LNP1: variants seen among roughly 807,000 people sequenced by gnomAD.
LNP1 encodes the protein leukemia NUP98 fusion partner 1.
LNP1 carries 12 observed loss-of-function variants against 14.5 expected under a neutral mutation model. That is an observed-to-expected ratio of 0.83 (90% CI 0.53 to 1.34). The LOEUF (loss-of-function observed/expected upper bound fraction) is 1.34, where lower values mean the gene tolerates loss of function less well. Among genes scored for constraint, LNP1 ranks in the 40% most tolerant of loss-of-function variants. The pLI is 0.00. For synonymous variants in LNP1, 75 were observed against 71.4 expected (o/e 1.05, Z -0.26); for missense variants, 198 against 210.9 (o/e 0.94, Z 0.38).
chr3:100,430,218 TAG>T lies in LNP1; in HGVS notation c.156+334_156+335del, dbSNP rs1052906091. 3.3e-5 allele frequency among the ~76,000 whole-genome samples: 5 copies of T among 152,362 alleles called. No homozygotes were observed. The South Asian group carries it at 8.3e-4, about 25-fold the overall frequency. On this transcript the variant is annotated intron_variant, in intron 2 of 3. Coordinates refer to ENST00000383693, the MANE Select transcript of LNP1 (RefSeq NM_001085451.2). ...AACTTGATGCTATACTTAGTCTGTG[TAG>T]CCTTGTGGCTCAATGTGTGATTTCC...
rs1032626837 is a variant in LNP1 at position 100,401,675 on chromosome 3, A to T, written c.-798A>T. Reference sequence around the variant, plus strand: ...GTGAGGAAAGAGCTCACCGCTGAAGAAGGCTGCTGCATCACTGAACTTCTT... The same window carrying T: ...GTGAGGAAAGAGCTCACCGCTGAAGTAGGCTGCTGCATCACTGAACTTCTT... On this transcript the variant is annotated 5_prime_UTR_variant, in exon 1 of 4. Transcript: ENST00000383693. 1 of 152,334 alleles carries T rather than the reference A, an allele frequency of 6.6e-6. No individual in the cohort carries two copies. The highest frequency in any genetic ancestry group is 1.5e-5 in the Non-Finnish European group (1 of 68,100). 9.4% of individuals were successfully genotyped at this position (152,334 alleles called of 1,614,324 possible).
intron 1 of LNP1, among the ~76,000 whole-genome samples, chr3:100,415,120 A>G (rs1398956056): frequency 6.6e-6 from 1 of 152,224 alleles, no homozygotes; most frequent in Non-Finnish European, 1.5e-5. Context: ...AGGGTAAAGG[A>G]TAAGCTTGTG....
chr3:100,405,641 G>A (rs553059307), intron 1 of LNP1, among the ~76,000 whole-genome samples: 72 of 152,180 alleles, frequency 4.7e-4, no homozygotes, highest in Non-Finnish European at 8.8e-4. Flanking sequence ...CTATTTTTAA[G>A]GGCTCCATCC....
Position 100,456,174 on chromosome 3 carries a change from A to G in LNP1, c.*248A>G, listed in dbSNP as rs1707509020. ...ATCTGCTTGGTTGCCTTTTTATGGG[A>G]ATAAAGAGAATAAAAGGTATTTTAA... On this transcript the variant is annotated 3_prime_UTR_variant, in exon 4 of 4. Transcript: ENST00000383693. 1 of 353,682 alleles carries G rather than the reference A, an allele frequency of 2.8e-6. No individual in the cohort carries two copies. The allele number at this position is 353,682 out of a possible 1,614,324, so 21.9% of individuals were successfully genotyped here. A position where few individuals can be genotyped will look rare whatever the true frequency, so the allele number is the denominator to read the frequency against.
intron 2 of LNP1, among the ~76,000 whole-genome samples, chr3:100,437,282 T>G (rs1219396704): frequency 6.6e-6 from 1 of 152,212 alleles, no homozygotes; most frequent in Non-Finnish European, 1.5e-5. Context: ...GACAAGTCCT[T>G]GAATTTTGCT....
In LNP1 at chr3:100,423,436, T is replaced by C. The variant is rs147759411; in HGVS notation, c.-33-6261T>C. On this transcript the variant is annotated intron_variant, in intron 1 of 3. Transcript: ENST00000383693. ...ACTTTGGGAGGCTGAGGTTGGAGGATTGCTTGAGTCCAGGAGTTCGAGACC... is the reference window on the plus strand; with the variant it reads ...ACTTTGGGAGGCTGAGGTTGGAGGACTGCTTGAGTCCAGGAGTTCGAGACC... Among the ~76,000 whole-genome samples, 769 of 152,228 alleles carry C rather than the reference T, an allele frequency of 5.1e-3. 9 individuals are homozygous for C. Among genetic ancestry groups the C allele is most frequent in the African/African-American group, 0.017 (705 of 41,534 alleles).
intron 1 of LNP1, among the ~76,000 whole-genome samples, chr3:100,417,348 T>TTTTC (rs1203434883): frequency 6.6e-6 from 1 of 150,720 alleles, no homozygotes. Context: ...TACTTTTTCT[T>TTTTC]TTTCTTTCTT....
At chr3:100,428,985 A>AT (rs1707219502) in intron 1 of LNP1, among the ~76,000 whole-genome samples, 1 of 152,212 alleles carries the variant, frequency 6.6e-6, no homozygotes, top group Non-Finnish European at 1.5e-5. Context: ...ACATGGAGCC[A>AT]GTTGGGGTGC....
At chr3:100,434,805 A>T (rs1262060140) in intron 2 of LNP1, among the ~76,000 whole-genome samples, 2 of 148,818 alleles carry the variant, frequency 1.3e-5, no homozygotes, top group African/African-American at 4.9e-5. Flanking sequence ...CTGTGATTAC[A>T]GGTGTGAGCC....
At chr3:100,412,443 G>A (rs762145276) in intron 1 of LNP1, among the ~76,000 whole-genome samples, 2 of 152,134 alleles carry the variant, frequency 1.3e-5, no homozygotes, top group African/African-American at 2.4e-5. Context: ...AGCATAGATG[G>A]AATAGGTAGG....
chr3:100,408,681 C>T (rs967313019), intron 1 of LNP1, among the ~76,000 whole-genome samples: 2 of 152,140 alleles, frequency 1.3e-5, no homozygotes, highest in Non-Finnish European at 2.9e-5. Context: ...AGTCATGGGT[C>T]ATGGGGGGGT....
intron 1 of LNP1, among the ~76,000 whole-genome samples, chr3:100,414,010 AT>A (rs1332021832): frequency 2.0e-5 from 3 of 152,144 alleles, no homozygotes; most frequent in Non-Finnish European, 2.9e-5. Context: ...ATTTTGTCAA[AT>A]TTTGAAAAAC....
intron 2 of LNP1, among the ~76,000 whole-genome samples, chr3:100,431,998 A>C: frequency 7.8e-4 from 1 of 1,274 alleles, no homozygotes; most frequent in African/African-American, 2.0e-3. Flanking sequence ...TTGTTTATAT[A>C]TATATATATA....
At chr3:100,449,693 A>C (rs2148908151) in intron 2 of LNP1, among the ~76,000 whole-genome samples, 1 of 152,338 alleles carries the variant, frequency 6.6e-6, no homozygotes, top group East Asian at 1.9e-4. Context: ...AAGGCCTTTT[A>C]AATACAAACA....
intron 2 of LNP1, among the ~76,000 whole-genome samples, chr3:100,432,494 A>T (rs1001578839): frequency 6.6e-6 from 1 of 152,216 alleles, no homozygotes; most frequent in Non-Finnish European, 1.5e-5. Context: ...AGAAAATACA[A>T]ATTTGGCAGA....
intron 1 of LNP1, among the ~76,000 whole-genome samples, chr3:100,409,643 G>T (rs571839629): frequency 1.4e-5 from 2 of 146,426 alleles, no homozygotes; most frequent in East Asian, 4.0e-4. Flanking sequence ...TATAGCCCAG[G>T]CCAGAGTGCA....
At chr3:100,410,594 A>G (rs893006479) in intron 1 of LNP1, among the ~76,000 whole-genome samples, 4 of 152,198 alleles carry the variant, frequency 2.6e-5, no homozygotes, top group African/African-American at 9.7e-5. Context: ...ATGGTTAGGA[A>G]AAAGGAGCCA....
At chr3:100,430,000 C>A in intron 2 of LNP1, 115 bp downstream of exon 2, 2 of 1,039,344 alleles carry the variant, frequency 1.9e-6, no homozygotes, top group Non-Finnish European at 2.8e-6. Context: ...AAAACCAGTA[C>A]TTCTGAGTCT....
chr3:100,456,213 A>C lies in LNP1; in HGVS notation c.*287A>C. 1 of 232,480 alleles carries C rather than the reference A, an allele frequency of 4.3e-6. No homozygotes were observed. Among genetic ancestry groups the C allele is most frequent in the Non-Finnish European group, 8.2e-6 (1 of 121,376 alleles). The allele number at this position is 232,480 out of a possible 1,614,324, so 14.4% of individuals were successfully genotyped here. A position where few individuals can be genotyped will look rare whatever the true frequency, so the allele number is the denominator to read the frequency against. On this transcript the variant is annotated 3_prime_UTR_variant, in exon 4 of 4. Coordinates refer to ENST00000383693, the MANE Select transcript of LNP1 (RefSeq NM_001085451.2). Reference sequence around the variant, plus strand: ...AAGGTATTTTAATAGAATAAAGAAAAATTTGAAAATATAATGGAAGGTATT... The same window carrying C: ...AAGGTATTTTAATAGAATAAAGAAACATTTGAAAATATAATGGAAGGTATT...
Sources: gnomAD v4.1 joint callset for allele counts (sites outside exome capture counted in the v4.1 genomes callset) on GRCh38, gnomAD v4.1.1 for gene constraint, MANE v1.5 for transcripts, NCBI Gene and HGNC (gene_info 2026-07-23, HGNC 2026-07-21) for gene names.